Variants in SLIT3 observed in about 807,000 individuals in gnomAD.
SLIT3 encodes slit homolog 3 protein.
In SLIT3, 68 loss-of-function variants were observed where a neutral mutation model predicts 184.0. The observed-to-expected ratio is 0.37, with a 90% CI of 0.30 to 0.45. The LOEUF is 0.45. SLIT3 is among the 20% of genes least tolerant of loss of function. SLIT3 has a pLI of 1.00. For synonymous variants in SLIT3, 831 were observed against 828.6 expected (o/e 1.00, Z -0.05); for missense variants, 1,707 against 2,026.0 (o/e 0.84, Z 3.02).
chr5:168,821,353 G>T (rs185456271), intron 7 of SLIT3, among the ~76,000 whole-genome samples: 24 of 152,306 alleles, frequency 1.6e-4, no homozygotes, highest in African/African-American at 5.8e-4. Flanking sequence ...GGAGCTGGAC[G>T]GCTGATTCCT....
intron 8 of SLIT3, among the ~76,000 whole-genome samples, chr5:168,816,878 A>G (rs1052302751): frequency 6.6e-6 from 1 of 152,198 alleles, no homozygotes; most frequent in Non-Finnish European, 1.5e-5. Context: ...GACAGAGCTG[A>G]GATTTCCAGC....
At chr5:169,132,776 C>T (rs972380452) in intron 4 of SLIT3, among the ~76,000 whole-genome samples, 1 of 150,934 alleles carries the variant, frequency 6.6e-6, no homozygotes, top group Non-Finnish European at 1.5e-5. Flanking sequence ...AAGAATGACT[C>T]CTGTCTAGCT....
intron 4 of SLIT3, among the ~76,000 whole-genome samples, chr5:169,076,970 A>G (rs1227200589): frequency 2.6e-5 from 4 of 151,962 alleles, no homozygotes; most frequent in African/African-American, 4.8e-5. Context: ...ACACATACAC[A>G]CACACACACC....
At chr5:168,783,634 TAACTC>T (rs995523287) in intron 12 of SLIT3, among the ~76,000 whole-genome samples, 22 of 152,036 alleles carry the variant, frequency 1.4e-4, no homozygotes, top group Admixed American at 1.3e-3. Context: ...GGAGAGAAAA[TAACTC>T]AGACTACCAG....
chr5:168,671,161 A>G, intron 34 of SLIT3, 37 bp downstream of exon 34: 1 of 1,585,948 alleles, frequency 6.3e-7, no homozygotes, highest in Non-Finnish European at 8.6e-7. Context: ...CCATTCTGGG[A>G]GCTCGAGCAC....
chr5:168,988,291 G>T (rs1033690815), intron 4 of SLIT3, among the ~76,000 whole-genome samples: 1 of 152,156 alleles, frequency 6.6e-6, no homozygotes, highest in Non-Finnish European at 1.5e-5. Context: ...CCATAGATAT[G>T]GTTTCCCTTT....
Position 168,685,836 on chromosome 5 carries a change from C to T in SLIT3, c.3406G>A (p.Val1136Met), listed in dbSNP as rs764131615. ...YECQNGAQCI[V>M]VQQEPTCRCP... is the part of the protein sequence containing the mutation. ...CGGCAGGTGGGCTCCTGCTGCACCA[C>T]GATGCACTGGGCCCCGTTCTGGCAC... The change falls in exon 31 of 36, where the codon GTG (valine) becomes ATG (methionine). Residue 1136 changes from valine (V) to methionine (M), a missense_variant. This residue lies in a region of SLIT3 where 1,307 missense variants were observed against 1,511.6 expected (regional missense o/e 0.86). Coordinates refer to ENST00000519560, the MANE Select transcript of SLIT3 (RefSeq NM_003062.4). 4.3e-6 allele frequency: 7 copies of T among 1,613,886 alleles called. No individual in the cohort carries two copies. The Admixed American group carries it at 5.0e-5, about 12-fold the overall frequency.
At chr5:169,248,576 C>T (rs970184226) in intron 2 of SLIT3, among the ~76,000 whole-genome samples, 7 of 152,188 alleles carry the variant, frequency 4.6e-5, no homozygotes, top group African/African-American at 1.7e-4. Context: ...TGGCTGGAGT[C>T]TGTTCTGAAT....
intron 5 of SLIT3, among the ~76,000 whole-genome samples, chr5:168,847,228 CTA>C (rs1209479834): frequency 1.3e-5 from 2 of 152,158 alleles, no homozygotes; most frequent in African/African-American, 4.8e-5. Context: ...ATTTTATAGA[CTA>C]TTTTAAAACA....
intron 4 of SLIT3, among the ~76,000 whole-genome samples, chr5:169,137,132 A>T (rs1276936761): frequency 2.6e-5 from 4 of 152,128 alleles, no homozygotes; most frequent in African/African-American, 9.7e-5. Flanking sequence ...CTTCTGTGGA[A>T]GACTCCTTAG....
At chr5:168,775,253 G>A (rs1007473213) in intron 12 of SLIT3, among the ~76,000 whole-genome samples, 1 of 151,868 alleles carries the variant, frequency 6.6e-6, no homozygotes, top group African/African-American at 2.4e-5. Context: ...GGCCAGGCTG[G>A]TCTCGAACTC....
intron 9 of SLIT3, among the ~76,000 whole-genome samples, chr5:168,799,687 TTGGTGGTGG>T (rs58476856): frequency 7.5e-6 from 1 of 133,360 alleles, no homozygotes; most frequent in East Asian, 2.0e-4. Context: ...TGTGGAAACA[TTGGTGGTGG>T]TGGTGGTGGT....
chr5:168,885,607 T>C (rs1247861329), intron 4 of SLIT3, among the ~76,000 whole-genome samples: 1 of 152,194 alleles, frequency 6.6e-6, no homozygotes, highest in Non-Finnish European at 1.5e-5. Flanking sequence ...ACCGAGCCTT[T>C]GCCCACTACC....
intron 4 of SLIT3, among the ~76,000 whole-genome samples, chr5:169,110,787 C>T (rs967547412): frequency 6.6e-6 from 1 of 152,152 alleles, no homozygotes; most frequent in African/African-American, 2.4e-5. Context: ...CCCATTTTTG[C>T]AGCGTAGCTC....
chr5:169,179,851 C>T (rs776006647), intron 4 of SLIT3, among the ~76,000 whole-genome samples: 4 of 152,120 alleles, frequency 2.6e-5, no homozygotes, highest in Non-Finnish European at 5.9e-5. Flanking sequence ...CTCATTTGCT[C>T]ATTTCCAGAG....
chr5:168,787,434 C>G (rs1001693785), intron 11 of SLIT3, among the ~76,000 whole-genome samples: 1 of 152,162 alleles, frequency 6.6e-6, no homozygotes, highest in Non-Finnish European at 1.5e-5. Context: ...CTGGGTGTAC[C>G]CCTGTCTGGC....
intron 25 of SLIT3, among the ~76,000 whole-genome samples, 175 bp downstream of exon 25, chr5:168,710,720 T>C (rs376016851): frequency 6.6e-6 from 1 of 152,078 alleles, no homozygotes; most frequent in Non-Finnish European, 1.5e-5. Flanking sequence ...ACTTGGCCCA[T>C]TAGATGAGGG....
intron 6 of SLIT3, among the ~76,000 whole-genome samples, chr5:168,831,291 T>G (rs1757872043): frequency 1.6e-5 from 2 of 123,932 alleles, no homozygotes; most frequent in East Asian, 2.2e-4. Context: ...GCGGGAGGAG[T>G]GAGAGAGATT....
intron 28 of SLIT3, among the ~76,000 whole-genome samples, chr5:168,694,168 C>A (rs944189648): frequency 2.0e-5 from 3 of 152,256 alleles, no homozygotes; most frequent in African/African-American, 7.2e-5. Flanking sequence ...GCCTCAACTG[C>A]GGCAGGAAAC....
Sources: allele counts gnomAD v4.1 joint callset (sites outside exome capture counted in the v4.1 genomes callset), GRCh38; gene constraint gnomAD v4.1.1; regional missense constraint gnomAD v4.1.1; transcripts MANE v1.5; gene names NCBI Gene and HGNC (gene_info 2026-07-23, HGNC 2026-07-21).